Variants in PTMA observed in about 807,000 individuals in gnomAD.
The protein encoded by PTMA is prothymosin alpha.
PTMA carries 4 observed loss-of-function variants against 16.9 expected under a neutral mutation model. The ratio of observed to expected loss-of-function variants is 0.24; its 90% CI spans 0.12 to 0.54. The LOEUF (loss-of-function observed/expected upper bound fraction) is 0.54. Ranked by LOEUF, PTMA falls within the 20% of genes least tolerant of loss-of-function variation. The pLI, the probability that PTMA is intolerant of heterozygous loss-of-function variation, is 0.95. For missense variants in PTMA, 120 were observed against 137.7 expected, an observed-to-expected ratio of 0.87 and a Z score of 0.64; for synonymous variants, 58 against 47.9, an observed-to-expected ratio of 1.21 and a Z score of -0.87.
At chr2:231,709,652 C>CG (rs1304337019) in intron 1 of PTMA, 2 of 152,374 alleles carry the variant, frequency 1.3e-5, no homozygotes, top group African/African-American at 2.4e-5. Flanking sequence ...GGCCCCGTGG[C>CG]GGGTTCACTG....
At chr2:231,710,336 C>G in intron 1 of PTMA, 1 of 1,224,104 alleles carries the variant, frequency 8.2e-7, no homozygotes, top group Non-Finnish European at 1.0e-6. Context: ...GGGCCACGTG[C>G]TCCCTGCGCG....
chr2:231,710,422 C>T (rs1321567557), intron 1 of PTMA: 34 of 1,156,848 alleles, frequency 2.9e-5, no homozygotes, highest in Non-Finnish European at 3.4e-5. Flanking sequence ...CTCCCTGCCC[C>T]CACTGCTCCC....
chr2:231,708,815 C>T lies in PTMA; in HGVS notation c.45+64C>T, dbSNP rs2048474138. ...GCCGCCGCTCGGGCGGTGTTTGGCG[C>T]GCAGCAGCTGGACTGTCTCAAGCCC... On this transcript the variant is annotated intron_variant, in intron 1 of 4. Transcript: ENST00000409115. 7 of 1,557,046 alleles carry T rather than the reference C, an allele frequency of 4.5e-6. No homozygotes were observed. In the East Asian group the frequency reaches 6.9e-5, roughly 15 times the overall value.
intron 2 of PTMA, 51 bp from the exon 3 acceptor site, chr2:231,711,839 G>A (rs759314216): frequency 6.2e-7 from 1 of 1,607,680 alleles, no homozygotes; most frequent in Non-Finnish European, 8.5e-7. Context: ...GCAACGCTCT[G>A]TCCAGCCTGG....
At chr2:231,710,795 T>C (rs1457159042) in intron 1 of PTMA, 1 of 319,292 alleles carries the variant, frequency 3.1e-6, no homozygotes, top group East Asian at 1.5e-4. Context: ...GCGGTCGGAT[T>C]TGGGGGGTCG....
chr2:231,709,309 C>A (rs900724476), intron 1 of PTMA, among the ~76,000 whole-genome samples: 2 of 152,016 alleles, frequency 1.3e-5, no homozygotes, highest in Admixed American at 6.5e-5. Flanking sequence ...GGGCGACGGG[C>A]TGGCTGGCCG....
At position 231,708,757 on chromosome 2, in the gene PTMA, G is replaced by A. The variant is rs770532036; in HGVS notation, c.45+6G>A. On this transcript the variant is annotated splice_donor_region_variant and intron_variant, in intron 1 of 4. Transcript: ENST00000409115. Reference sequence around the variant, plus strand: ...GCTCCGAAATCACCACCAAGGTGAGGCTGGACGCCGCCCGCCCCCTCGGGG... The same window carrying A: ...GCTCCGAAATCACCACCAAGGTGAGACTGGACGCCGCCCGCCCCCTCGGGG... 1.2e-5 allele frequency: 19 copies of A among 1,601,868 alleles called. No individual in the cohort carries two copies. In the South Asian group the frequency reaches 1.9e-4, roughly 16 times the overall value.
chr2:231,709,078 G>C (rs1436578131), intron 1 of PTMA, among the ~76,000 whole-genome samples: 1 of 152,192 alleles, frequency 6.6e-6, no homozygotes, highest in South Asian at 2.1e-4. Context: ...GCCTGGCTGG[G>C]GGTCGTCGGC....
intron 2 of PTMA, 28 bp from the exon 3 acceptor site, chr2:231,711,862 A>T (rs1356082515): frequency 1.2e-6 from 2 of 1,611,154 alleles, no homozygotes; most frequent in Admixed American, 3.4e-5. Flanking sequence ...CCAGCTGGTA[A>T]TGACATGGCC....
At chr2:231,710,372 A>G in intron 1 of PTMA, 1 of 1,193,504 alleles carries the variant, frequency 8.4e-7, no homozygotes, top group Non-Finnish European at 1.0e-6. Flanking sequence ...CCCGCGCGCA[A>G]AGCCCGCCGG....
intron 1 of PTMA, 100 bp from the exon 2 acceptor site, chr2:231,711,248 G>A (rs959860715): frequency 4.3e-6 from 4 of 929,360 alleles, no homozygotes; most frequent in African/African-American, 1.6e-5. Context: ...AATTTGGGAC[G>A]GACAGAACAG....
Position 231,712,800 on chromosome 2 carries a change from T to G in PTMA, c.286-4T>G, listed in dbSNP as rs1321964535. The G allele has an allele frequency of 1.3e-6, 2 of 1,594,742 alleles. No individual in the cohort carries two copies. The highest frequency in any genetic ancestry group is 2.7e-5 in the African/African-American group (2 of 74,590). On this transcript the variant is annotated splice_polypyrimidine_tract_variant and splice_region_variant and intron_variant, in intron 4 of 4. Transcript: ENST00000409115. Reference sequence around the variant, plus strand: ...GGGGCCTTTGACAGTCTTTCTCTGCTTAGGATGACGATGTCGATACCAAGA... The same window carrying G: ...GGGGCCTTTGACAGTCTTTCTCTGCGTAGGATGACGATGTCGATACCAAGA...
chr2:231,710,163 G>A (rs1283275385), intron 1 of PTMA: 13 of 1,277,486 alleles, frequency 1.0e-5, no homozygotes, highest in Non-Finnish European at 1.2e-5. Flanking sequence ...ACCTCCCGTG[G>A]GACTTGGCCC....
intron 1 of PTMA, chr2:231,710,254 C>T (rs376051788): frequency 2.2e-6 from 3 of 1,336,240 alleles, no homozygotes; most frequent in Non-Finnish European, 1.9e-6. Context: ...ACGCGCGACC[C>T]GCGCGCGTGC....
intron 1 of PTMA, chr2:231,710,241 C>G: frequency 7.5e-7 from 1 of 1,337,656 alleles, no homozygotes. Context: ...GCCCGGCCGA[C>G]CGACGCGCGA....
chr2:231,709,525 C>T lies in PTMA; in HGVS notation c.45+774C>T, dbSNP rs1218480776. On this transcript the variant is annotated intron_variant, in intron 1 of 4. Transcript: ENST00000409115. ...AAAGTGAAGCGCGGCGCTGGGGCGA[C>T]GATGGGCGCCCCCCGCGGCTGCCCG... Among the ~76,000 whole-genome samples, 3 of 152,262 alleles carry T rather than the reference C, an allele frequency of 2.0e-5. No individual in the cohort carries two copies. In the East Asian group the frequency reaches 5.8e-4, roughly 30 times the overall value.
At chr2:231,712,599 G>A in intron 4 of PTMA, 83 bp downstream of exon 4, 1 of 1,476,850 alleles carries the variant, frequency 6.8e-7, no homozygotes, top group East Asian at 2.3e-5. Flanking sequence ...AGCTGCGGAG[G>A]GACTGTTTCT....
At chr2:231,711,168 GCCTT>G (rs2048513676) in intron 1 of PTMA, 176 bp from the exon 2 acceptor site, 2 of 545,160 alleles carry the variant, frequency 3.7e-6, no homozygotes, top group Admixed American at 3.2e-5. Flanking sequence ...CCCCCCGCCG[GCCTT>G]CCTTCCACCA....
At chr2:231,709,145 T>G (rs1250115888) in intron 1 of PTMA, among the ~76,000 whole-genome samples, 3 of 152,004 alleles carry the variant, frequency 2.0e-5, no homozygotes, top group East Asian at 1.9e-4. Flanking sequence ...TCGGAAGTGC[T>G]GGGGGGCGCG....
Sources: allele counts gnomAD v4.1 joint callset (sites outside exome capture counted in the v4.1 genomes callset), GRCh38; gene constraint gnomAD v4.1.1; transcripts MANE v1.5; gene names NCBI Gene and HGNC (gene_info 2026-07-23, HGNC 2026-07-21).